Variants in IMMP2L observed in about 807,000 individuals in gnomAD.
IMMP2L encodes the protein inner mitochondrial membrane peptidase subunit 2, also known as mitochondrial inner membrane protease subunit 2.
IMMP2L carries 18 observed loss-of-function variants against 19.3 expected under a neutral mutation model. The observed-to-expected ratio is 0.93, with a 90% CI of 0.64 to 1.38. The LOEUF is 1.38. IMMP2L is among the 40% of genes most tolerant of loss of function. IMMP2L has a pLI of 0.00. For missense variants in IMMP2L, 233 were observed against 218.2 expected (o/e 1.07, Z -0.43); for synonymous variants, 76 against 73.0 (o/e 1.04, Z -0.21).
intron 3 of IMMP2L, among the ~76,000 whole-genome samples, chr7:111,001,165 G>C (rs1823642879): frequency 6.6e-6 from 1 of 152,168 alleles, no homozygotes; most frequent in Non-Finnish European, 1.5e-5. Context: ...CACAGGATTT[G>C]AGAAAACATC....
chr7:111,217,443 T>C lies in IMMP2L; in HGVS notation c.240-253878A>G, dbSNP rs143237292. Among the ~76,000 whole-genome samples, 161 of 152,186 alleles carry C rather than the reference T, an allele frequency of 1.1e-3. 1 individual carries two copies. The highest frequency in any genetic ancestry group is 3.6e-3 in the African/African-American group (151 of 41,526). On this transcript the variant is annotated intron_variant, in intron 3 of 5. Transcript: ENST00000405709. ...GTGGTAAGAAAGATGGTGTTCACCT[T>C]AGACTAATAAAGCCCACTCATGGAG...
chr7:111,408,522 T>C (rs1210909319), intron 3 of IMMP2L, among the ~76,000 whole-genome samples: 1 of 151,706 alleles, frequency 6.6e-6, no homozygotes, highest in Non-Finnish European at 1.5e-5. Context: ...TAGTGCATCA[T>C]ATCACAGAAC....
chr7:110,999,204 T>C (rs1055065466), intron 3 of IMMP2L, among the ~76,000 whole-genome samples: 3 of 152,086 alleles, frequency 2.0e-5, no homozygotes, highest in Non-Finnish European at 2.9e-5. Context: ...AAATTAAATA[T>C]GTATCTGAGT....
chr7:111,366,047 C>G (rs549331780), intron 3 of IMMP2L, among the ~76,000 whole-genome samples: 1 of 152,090 alleles, frequency 6.6e-6, no homozygotes, highest in East Asian at 1.9e-4. Context: ...GACAATAAAG[C>G]CTGGTCCAGG....
intron 3 of IMMP2L, among the ~76,000 whole-genome samples, chr7:111,108,523 C>T (rs977961167): frequency 1.3e-5 from 2 of 151,802 alleles, no homozygotes; most frequent in East Asian, 1.9e-4. Context: ...AAAAGATATA[C>T]GAACAAAACA....
chr7:111,204,595 G>T (rs921193393), intron 3 of IMMP2L, among the ~76,000 whole-genome samples: 1 of 151,934 alleles, frequency 6.6e-6, no homozygotes, highest in Non-Finnish European at 1.5e-5. Context: ...TTGTGATTTT[G>T]AATAAAAATA....
At chr7:111,286,081 C>T (rs912968159) in intron 3 of IMMP2L, among the ~76,000 whole-genome samples, 6 of 152,056 alleles carry the variant, frequency 3.9e-5, no homozygotes, top group African/African-American at 1.4e-4. Context: ...TACAGAAGTA[C>T]ATACAGTATA....
intron 3 of IMMP2L, among the ~76,000 whole-genome samples, chr7:111,241,573 T>G (rs925312761): frequency 1.3e-5 from 2 of 151,964 alleles, no homozygotes; most frequent in Admixed American, 6.6e-5. Flanking sequence ...TGATACAATG[T>G]AACTGCCACA....
chr7:111,089,532 G>C (rs1293680221), intron 3 of IMMP2L, among the ~76,000 whole-genome samples: 2 of 151,892 alleles, frequency 1.3e-5, no homozygotes, highest in African/African-American at 2.4e-5. Context: ...TAAAATTAAG[G>C]GGTAAGAAGG....
chr7:110,858,951 C>T (rs1376678704), intron 5 of IMMP2L, among the ~76,000 whole-genome samples: 1 of 151,996 alleles, frequency 6.6e-6, no homozygotes, highest in Non-Finnish European at 1.5e-5. Flanking sequence ...TTTTGTGGCT[C>T]CATAGTATTC....
chr7:111,146,389 A>T (rs991620920), intron 3 of IMMP2L, among the ~76,000 whole-genome samples: 1 of 152,080 alleles, frequency 6.6e-6, no homozygotes, highest in Non-Finnish European at 1.5e-5. Flanking sequence ...ATGTCTTCTC[A>T]AATCCTCTCT....
chr7:110,684,417 G>GAGTA (rs1245514626), intron 5 of IMMP2L, among the ~76,000 whole-genome samples: 1 of 151,970 alleles, frequency 6.6e-6, no homozygotes, highest in Admixed American at 6.6e-5. Context: ...ATTACCTTGA[G>GAGTA]ATTACCCTCT....
intron 3 of IMMP2L, among the ~76,000 whole-genome samples, chr7:111,249,759 C>A (rs1204230381): frequency 2.0e-5 from 3 of 152,084 alleles, no homozygotes; most frequent in Non-Finnish European, 2.9e-5. Context: ...AAAGAGCATA[C>A]CTCAAAATAA....
At chr7:110,702,707 T>C (rs1794366041) in intron 5 of IMMP2L, among the ~76,000 whole-genome samples, 3 of 152,192 alleles carry the variant, frequency 2.0e-5, no homozygotes, top group African/African-American at 7.2e-5. Context: ...TTTTCAATTT[T>C]CAATTGTTTA....
intron 3 of IMMP2L, among the ~76,000 whole-genome samples, chr7:111,413,450 A>T (rs913733442): frequency 1.3e-5 from 2 of 152,108 alleles, no homozygotes; most frequent in Non-Finnish European, 2.9e-5. Context: ...ATAAAGAAAG[A>T]TCTTTAACAA....
chr7:111,529,043 T>C (rs1585531461), intron 1 of IMMP2L, among the ~76,000 whole-genome samples: 1 of 152,142 alleles, frequency 6.6e-6, no homozygotes. Context: ...TTTCTCCACG[T>C]AGAGTTTGCA....
intron 1 of IMMP2L, among the ~76,000 whole-genome samples, chr7:111,543,960 T>C (rs1848692683): frequency 1.3e-5 from 2 of 152,162 alleles, no homozygotes; most frequent in Non-Finnish European, 2.9e-5. Flanking sequence ...GTCCATCTTA[T>C]AGCTTTAATA....
intron 5 of IMMP2L, among the ~76,000 whole-genome samples, chr7:110,837,201 T>C (rs1804575737): frequency 6.6e-6 from 1 of 152,140 alleles, no homozygotes; most frequent in South Asian, 2.1e-4. Context: ...TCTACAGGTA[T>C]TGACATCAAG....
intron 5 of IMMP2L, among the ~76,000 whole-genome samples, chr7:110,811,945 T>A (rs1051500793): frequency 2.6e-5 from 4 of 152,154 alleles, no homozygotes; most frequent in Middle Eastern, 3.4e-3. Flanking sequence ...AGCCATTCAA[T>A]AAGATTCAAG....
Sources: allele counts gnomAD v4.1 joint callset (sites outside exome capture counted in the v4.1 genomes callset), GRCh38; gene constraint gnomAD v4.1.1; transcripts MANE v1.5; gene names NCBI Gene and HGNC (gene_info 2026-07-23, HGNC 2026-07-21).